The following ABCA13 variants were observed in gnomAD, a reference collection of about 807,000 sequenced individuals.
The protein encoded by ABCA13 is ATP binding cassette subfamily A member 13.
A neutral mutation model predicts 478.7 loss-of-function variants in ABCA13; 476 were observed. The ratio of observed to expected loss-of-function variants is 0.99; its 90% CI spans 0.92 to 1.07. The LOEUF is 1.07. Among genes scored for constraint, ABCA13 ranks in the 50% least tolerant of loss-of-function variants. The probability of loss-of-function intolerance (pLI) is 0.00; values close to 1 mark genes in which losing one functional copy is unlikely to be tolerated. For synonymous variants in ABCA13, 2,252 were observed against 2,158.9 expected, an observed-to-expected ratio of 1.04 and a Z score of -1.20; for missense variants, 6,060 against 5,910.6, an observed-to-expected ratio of 1.03 and a Z score of -0.83.
intron 59 of ABCA13, among the ~76,000 whole-genome samples, chr7:48,636,050 G>A (rs1193992943): frequency 6.6e-6 from 1 of 152,078 alleles, no homozygotes; most frequent in Non-Finnish European, 1.5e-5. Context: ...TAAAGTGACT[G>A]TGCCCGTAAA....
Position 48,314,483 on chromosome 7 carries a change from A to G in ABCA13, c.9859+74A>G, listed in dbSNP as rs985684252. On this transcript the variant is annotated intron_variant, in intron 26 of 61. Coordinates refer to ENST00000435803, the MANE Select transcript of ABCA13 (RefSeq NM_152701.5). ...TGATAATTGGCCTTAAATTATAGTA[A>G]GTATTCTGTCTGTGTATAAGGTTGC... The G allele has an allele frequency of 4.5e-6, 6 of 1,320,172 alleles. No individual in the cohort carries two copies. In the African/African-American group the frequency reaches 9.0e-5, roughly 20 times the overall value. 81.8% of individuals were successfully genotyped at this position (1,320,172 alleles called of 1,614,324 possible).
intron 2 of ABCA13, among the ~76,000 whole-genome samples, chr7:48,196,582 C>T (rs534402635): frequency 6.6e-6 from 1 of 152,268 alleles, no homozygotes; most frequent in East Asian, 1.9e-4. Context: ...CCTGGCATGG[C>T]AATGACTAAA....
chr7:48,243,578 G>C (rs1326855466), intron 10 of ABCA13, among the ~76,000 whole-genome samples: 1 of 152,204 alleles, frequency 6.6e-6, no homozygotes, highest in Non-Finnish European at 1.5e-5. Context: ...TGTCTTGTAG[G>C]AGAATTATCA....
At chr7:48,629,492 A>T (rs1277277735) in intron 59 of ABCA13, among the ~76,000 whole-genome samples, 1 of 150,312 alleles carries the variant, frequency 6.7e-6, no homozygotes, top group Non-Finnish European at 1.5e-5. Flanking sequence ...CATTTGTTTC[A>T]TAGTTATCTT....
intron 59 of ABCA13, among the ~76,000 whole-genome samples, chr7:48,631,717 A>G (rs566225737): frequency 6.6e-5 from 10 of 151,798 alleles, no homozygotes; most frequent in Non-Finnish European, 1.3e-4. Flanking sequence ...ATGATATTGG[A>G]ATTTTGATAG....
intron 5 of ABCA13, among the ~76,000 whole-genome samples, chr7:48,226,117 A>G (rs1256512423): frequency 6.6e-6 from 1 of 152,176 alleles, no homozygotes; most frequent in African/African-American, 2.4e-5. Context: ...AGTGAGGTGC[A>G]TAAAGTTGTA....
chr7:48,252,620 C>T (rs1305341784), intron 15 of ABCA13, among the ~76,000 whole-genome samples: 1 of 152,110 alleles, frequency 6.6e-6, no homozygotes, highest in African/African-American at 2.4e-5. Flanking sequence ...TCTTACGGGA[C>T]CAAGCATCAT....
chr7:48,576,768 A>G (rs1382617367), intron 55 of ABCA13, among the ~76,000 whole-genome samples: 4 of 152,134 alleles, frequency 2.6e-5, no homozygotes, highest in Non-Finnish European at 4.4e-5. Context: ...AACTAACACC[A>G]CTGAGACAGC....
chr7:48,533,159 G>C (rs10276131), intron 55 of ABCA13, among the ~76,000 whole-genome samples: 24,727 of 151,948 alleles, frequency 0.16, 2,212 homozygotes, highest in East Asian at 0.3. Context: ...TTTTAGCATT[G>C]CCTTTGCTGT....
At chr7:48,503,323 TAA>T (rs1830920564) in intron 48 of ABCA13, among the ~76,000 whole-genome samples, 1 of 152,152 alleles carries the variant, frequency 6.6e-6, no homozygotes, top group Non-Finnish European at 1.5e-5. Flanking sequence ...CTCTTGGGCT[TAA>T]GCAATCTTCC....
In ABCA13 at chr7:48,250,555, A is replaced by G. The variant is rs969079472; in HGVS notation, c.2005+1204A>G. On this transcript the variant is annotated intron_variant, in intron 15 of 61. Coordinates refer to ENST00000435803, the MANE Select transcript of ABCA13 (RefSeq NM_152701.5). ...CTACATTCCAAGGGTCTTAGCAGCT[A>G]TGTGCCTGTCAGGAAACAATGGCCT... Among the ~76,000 whole-genome samples the G allele has an allele frequency of 2.8e-4, 42 of 152,208 alleles. 2 individuals carry two copies. Among genetic ancestry groups the G allele is most frequent in the African/African-American group, 9.7e-4 (40 of 41,450 alleles).
At chr7:48,200,960 C>CA (rs1218288151) in intron 3 of ABCA13, among the ~76,000 whole-genome samples, 1 of 151,572 alleles carries the variant, frequency 6.6e-6, no homozygotes, top group African/African-American at 2.4e-5. Context: ...GCAGGTACCC[C>CA]AAGTCCAGCG....
chr7:48,631,334 G>T (rs1051313916), intron 59 of ABCA13, among the ~76,000 whole-genome samples: 1 of 151,952 alleles, frequency 6.6e-6, no homozygotes, highest in Non-Finnish European at 1.5e-5. Context: ...TTTATACATG[G>T]TGAAAGATGG....
At chr7:48,338,948 A>T (rs936059301) in intron 29 of ABCA13, among the ~76,000 whole-genome samples, 1 of 152,222 alleles carries the variant, frequency 6.6e-6, no homozygotes, top group Non-Finnish European at 1.5e-5. Context: ...GTTCCATGAA[A>T]TAATCCATAG....
Position 48,528,346 on chromosome 7 carries a change from G to T in ABCA13, c.14354+1G>T. On this transcript the variant is annotated splice_donor_variant, in intron 55 of 61. Coordinates refer to ENST00000435803, the MANE Select transcript of ABCA13 (RefSeq NM_152701.5). LOFTEE classifies it high-confidence loss of function. ...ATGCTATCATCAGGACTCCCATGGG[G>T]TAAGATACAGATTTCATCATTTTTG... 1.3e-6 allele frequency: 2 copies of T among 1,540,278 alleles called. No individual in the cohort carries two copies. The highest frequency in any genetic ancestry group is 1.8e-6 in the Non-Finnish European group (2 of 1,140,476).
intron 5 of ABCA13, among the ~76,000 whole-genome samples, chr7:48,222,061 A>G (rs1787441213): frequency 6.6e-6 from 1 of 152,230 alleles, no homozygotes. Flanking sequence ...CAAAAAAAAT[A>G]TGCCATAAAA....
At position 48,454,939 on chromosome 7, in the gene ABCA13, T is replaced by A. The variant is rs1825481574; in HGVS notation, c.12566-98T>A. ...TGGGCCTGCGTCGCATTCCCATGGCTGCGAGATGCCGCAGGGTCACCGAGA... is the reference window on the plus strand; with the variant it reads ...TGGGCCTGCGTCGCATTCCCATGGCAGCGAGATGCCGCAGGGTCACCGAGA... On this transcript the variant is annotated intron_variant, in intron 42 of 61. Coordinates refer to ENST00000435803, the MANE Select transcript of ABCA13 (RefSeq NM_152701.5). 7.8e-6 allele frequency: 11 copies of A among 1,404,214 alleles called. No homozygotes were observed. In the South Asian group the frequency reaches 1.7e-4, roughly 22 times the overall value. 87.0% of individuals were successfully genotyped at this position (1,404,214 alleles called of 1,614,324 possible).
At chr7:48,454,575 G>T (rs746279063) in intron 42 of ABCA13, among the ~76,000 whole-genome samples, 1 of 152,118 alleles carries the variant, frequency 6.6e-6, no homozygotes, top group Non-Finnish European at 1.5e-5. Flanking sequence ...AGTGGAAGGC[G>T]CCGGGAGGAG....
intron 20 of ABCA13, among the ~76,000 whole-genome samples, chr7:48,293,196 C>CCCG (rs1554419676): frequency 7.6e-6 from 1 of 131,754 alleles, no homozygotes; most frequent in Non-Finnish European, 1.7e-5. Context: ...TCTTCAGCCC[C>CCCG]CCCCCCGCCA....
Sources: gnomAD v4.1 joint callset for allele counts (sites outside exome capture counted in the v4.1 genomes callset) on GRCh38, gnomAD v4.1.1 for gene constraint, MANE v1.5 for transcripts, NCBI Gene and HGNC (gene_info 2026-07-23, HGNC 2026-07-21) for gene names.